The following GYG2 variants were observed in gnomAD, a reference collection of about 807,000 sequenced individuals.
GYG2 encodes glycogenin-2.
In GYG2, 29 loss-of-function variants were observed where a neutral mutation model predicts 29.4. The ratio of observed to expected loss-of-function variants is 0.99; its 90% confidence interval spans 0.74 to 1.35. GYG2 has a LOEUF of 1.35. GYG2 is among the 40% of genes most tolerant of loss of function. GYG2 has a pLI of 0.00. For missense variants in GYG2, 370 were observed against 385.7 expected, an observed-to-expected ratio of 0.96 and a Z score of 0.34; for synonymous variants, 167 against 172.3, an observed-to-expected ratio of 0.97 and a Z score of 0.24.
At chrX:2,879,270 C>CTTTTT (rs752455317) in intron 10 of GYG2, among the ~76,000 whole-genome samples, 1 of 93,471 alleles carries the variant, frequency 1.1e-5, no homozygotes, top group Non-Finnish European at 2.1e-5. Flanking sequence ...TATCTATTTT[C>CTTTTT]TTTTTTTTTT....
Position 2,875,929 on chromosome X carries a change from T to C in GYG2, c.1143+15T>C, listed in dbSNP as rs753498564. ...AAACCATCTTGGTATTCCTCATCTA[T>C]ATGACCTACACATGGCCAGCTCTCT... is the stretch of plus-strand genomic sequence containing the variant. On this transcript the variant is annotated intron_variant, in intron 9 of 10. Coordinates refer to ENST00000398806, the MANE Select transcript of GYG2 (RefSeq NM_001079855.2). 3 of 934,170 alleles carry C rather than the reference T, an allele frequency of 3.2e-6. No homozygotes were observed. The highest frequency in any genetic ancestry group is 3.1e-6 in the Non-Finnish European group (2 of 645,774). 77.0% of individuals were successfully genotyped at this position (934,170 alleles called of 1,213,427 possible).
intron 8 of GYG2, among the ~76,000 whole-genome samples, chrX:2,869,927 C>T (rs1020586752): frequency 3.6e-5 from 4 of 112,458 alleles, no homozygotes; most frequent in Non-Finnish European, 7.5e-5. Flanking sequence ...CAGGCGTGGG[C>T]CACCGTGCCT....
rs1421702180 is a variant in GYG2 at position 2,881,881 on chromosome X, G to A, written c.*668G>A. 9.0e-6 allele frequency: 1 copy of A among 111,363 alleles called. No individual in the cohort carries two copies. The highest frequency in any genetic ancestry group is 1.9e-5 in the Non-Finnish European group (1 of 53,056). 9.2% of individuals were successfully genotyped at this position (111,363 alleles called of 1,213,427 possible). A position where few individuals can be genotyped will look rare whatever the true frequency, so the allele number is the denominator to read the frequency against. On this transcript the variant is annotated 3_prime_UTR_variant, in exon 11 of 11. Transcript: ENST00000398806. ...GCTTGGGGAATGTGGGTGGCTTAGA[G>A]GATCTAAACCGATTCACTTCCTGGT... is the stretch of plus-strand genomic sequence containing the variant.
At chrX:2,846,175 T>A (rs1322220511) in intron 3 of GYG2, among the ~76,000 whole-genome samples, 1 of 97,112 alleles carries the variant, frequency 1.0e-5, no homozygotes, top group Admixed American at 1.2e-4. Flanking sequence ...CCAGTGATTC[T>A]CCTGCCTCAG....
chrX:2,855,442 A>G (rs2087962668), intron 5 of GYG2, among the ~76,000 whole-genome samples: 1 of 112,084 alleles, frequency 8.9e-6, no homozygotes, highest in African/African-American at 3.2e-5. Flanking sequence ...GTTGTAGGCA[A>G]CTGTAACATA....
chrX:2,871,404 C>A (rs1482050893), intron 8 of GYG2, among the ~76,000 whole-genome samples: 16 of 108,417 alleles, frequency 1.5e-4, no homozygotes, highest in Non-Finnish European at 7.7e-5. Context: ...AAAAAAAATT[C>A]TAGGCCAGGT....
At chrX:2,842,653 A>G (rs2087529269) in intron 2 of GYG2, among the ~76,000 whole-genome samples, 1 of 111,253 alleles carries the variant, frequency 9.0e-6, no homozygotes, top group African/African-American at 3.3e-5. Context: ...GATAGTAGCT[A>G]TGAGTTTCCA....
intron 3 of GYG2, among the ~76,000 whole-genome samples, chrX:2,847,733 A>ATAC (rs1569059734): frequency 1.9e-5 from 2 of 105,028 alleles, no homozygotes; most frequent in Non-Finnish European, 3.8e-5. Context: ...TAAATAAATA[A>ATAC]ATAAATAAAT....
At chrX:2,843,674 G>A (rs1422126133) in intron 3 of GYG2, among the ~76,000 whole-genome samples, 1 of 112,055 alleles carries the variant, frequency 8.9e-6, no homozygotes, top group Admixed American at 9.5e-5. Context: ...CTGTCGCCCA[G>A]GCTGGAGTAC....
rs762318182 is a variant in GYG2 at position 2,856,792 on chromosome X, T to TATC, written c.614+169_614+171dup. Among the ~76,000 whole-genome samples the TATC allele has an allele frequency of 0.14, 8,587 of 60,835 alleles. 421 individuals carry two copies. The highest frequency in any genetic ancestry group is 0.21 in the African/African-American group (3,948 of 18,701). 52.8% of individuals were successfully genotyped at this position (60,835 alleles called of 115,157 possible). A position where few individuals can be genotyped will look rare whatever the true frequency, so the allele number is the denominator to read the frequency against. ...TCTATCTATCTATCTATCTATCATC[T>TATC]ATCTATCATCTATCTATCTATCACC... On this transcript the variant is annotated intron_variant, in intron 6 of 10. Transcript: ENST00000398806.
chrX:2,878,600 A>AG (rs1319410295), intron 10 of GYG2, among the ~76,000 whole-genome samples: 1 of 111,099 alleles, frequency 9.0e-6, no homozygotes, highest in East Asian at 2.8e-4. Flanking sequence ...AGTGTTCATG[A>AG]GGTGGAGACT....
chrX:2,832,009 C>T, intron 2 of GYG2, among the ~76,000 whole-genome samples: 1 of 112,740 alleles, frequency 8.9e-6, no homozygotes, highest in Non-Finnish European at 1.9e-5. Context: ...TGGAAACTCC[C>T]TCTTTGAATG....
At position 2,881,102 on chromosome X, in the gene GYG2, G is replaced by C. The variant is rs2088711020; in HGVS notation, c.1302G>C (p.Lys434Asn). The C allele has an allele frequency of 2.2e-5, 26 of 1,209,133 alleles. No homozygotes were observed. The highest frequency in any genetic ancestry group is 2.7e-5 in the Non-Finnish European group (24 of 893,623). The change falls in exon 11 of 11, where the codon AAG becomes AAC. Residue 434 changes from lysine to asparagine, a missense_variant. By Grantham distance (94) the Lys-to-Asn change is moderately conservative (BLOSUM62 0). Transcript: ENST00000398806. ...AGATCTCCATCGAAGAGAAGGTGAA[G>C]GAATTGAGCCCCGAGGAAGAGAGGA... Reference protein sequence around the residue: ...VSQISIEEKVKELSPEEERRK... With the variant: ...VSQISIEEKVNELSPEEERRK...
At chrX:2,873,310 G>C (rs1432163527) in intron 8 of GYG2, among the ~76,000 whole-genome samples, 1 of 111,112 alleles carries the variant, frequency 9.0e-6, no homozygotes, top group Non-Finnish European at 1.9e-5. Context: ...ATACATAGCT[G>C]AGATCTGAAA....
chrX:2,865,916 T>G (rs767688633), intron 8 of GYG2, among the ~76,000 whole-genome samples: 17 of 111,522 alleles, frequency 1.5e-4, no homozygotes, highest in African/African-American at 5.2e-4. Context: ...ATTAGTATAT[T>G]GAAGGGACAT....
intron 10 of GYG2, chrX:2,878,105 G>A: frequency 2.7e-6 from 2 of 749,316 alleles, no homozygotes; most frequent in Non-Finnish European, 3.1e-6. Context: ...ACATGTGAAT[G>A]TATCCCTTCA....
intron 4 of GYG2, among the ~76,000 whole-genome samples, chrX:2,854,585 C>T (rs2087937562): frequency 9.0e-6 from 1 of 111,490 alleles, no homozygotes; most frequent in African/African-American, 3.3e-5. Flanking sequence ...ATGTTCCTAC[C>T]CCAGGAATGA....
At chrX:2,842,809 A>G (rs1344233813) in intron 2 of GYG2, among the ~76,000 whole-genome samples, 1 of 91,977 alleles carries the variant, frequency 1.1e-5, no homozygotes, top group African/African-American at 3.6e-5. Context: ...ATTCACTGCA[A>G]GTCGTGATTT....
intron 10 of GYG2, 157 bp downstream of exon 10, chrX:2,877,464 G>C: frequency 9.2e-7 from 1 of 1,082,422 alleles, no homozygotes. Flanking sequence ...TGATTCTTCT[G>C]TCTTCTCTCT....
Sources: allele counts gnomAD v4.1 joint callset (sites outside exome capture counted in the v4.1 genomes callset), GRCh38; gene constraint gnomAD v4.1.1; transcripts MANE v1.5; gene names NCBI Gene and HGNC (gene_info 2026-07-23, HGNC 2026-07-21).